SUSD1: variants seen among roughly 807,000 people sequenced by gnomAD.
SUSD1 encodes the protein sushi domain-containing protein 1.
A neutral mutation model predicts 86.9 loss-of-function variants in SUSD1; 65 were observed. That is an observed-to-expected ratio of 0.75 (90% CI 0.61 to 0.92). The LOEUF is 0.92. Ranked by LOEUF, SUSD1 falls within the 40% of genes least tolerant of loss-of-function variation. The pLI is 0.00. For missense variants in SUSD1, 850 were observed against 929.7 expected, an observed-to-expected ratio of 0.91 and a Z score of 1.11; for synonymous variants, 346 against 350.0, an observed-to-expected ratio of 0.99 and a Z score of 0.13.
intron 2 of SUSD1, among the ~76,000 whole-genome samples, chr9:112,153,087 G>A (rs1833137239): frequency 6.6e-6 from 1 of 151,718 alleles, no homozygotes; most frequent in Non-Finnish European, 1.5e-5. Context: ...GCAACATAAT[G>A]AGACCTTGTC....
At chr9:112,162,303 G>A (rs1273183448) in intron 1 of SUSD1, among the ~76,000 whole-genome samples, 1 of 152,140 alleles carries the variant, frequency 6.6e-6, no homozygotes, top group African/African-American at 2.4e-5. Context: ...AAAAGGGGAG[G>A]GAAACTCAAA....
chr9:112,144,188 C>T (rs1241999784), intron 3 of SUSD1, among the ~76,000 whole-genome samples: 1 of 151,544 alleles, frequency 6.6e-6, no homozygotes, highest in Non-Finnish European at 1.5e-5. Context: ...TGCAGTGAGC[C>T]GAGATCACGC....
rs766044516 is a variant in SUSD1 at position 112,149,197 on chromosome 9, A to T, written c.373+47T>A. ...TTAACAAATACACAGCCCAGATACT[A>T]TCCTGCCATCGCCAATTGTCAACAC... is the stretch of plus-strand genomic sequence containing the variant. On this transcript the variant is annotated intron_variant, in intron 3 of 16. Coordinates refer to ENST00000374270, the MANE Select transcript of SUSD1 (RefSeq NM_022486.5). The T allele has an allele frequency of 3.1e-6, 5 of 1,608,116 alleles. No individual in the cohort carries two copies. In the Admixed American group the frequency reaches 8.4e-5, roughly 27 times the overall value.
chr9:112,152,781 G>T (rs1833121036), intron 2 of SUSD1, among the ~76,000 whole-genome samples: 2 of 104,746 alleles, frequency 1.9e-5, no homozygotes, highest in South Asian at 5.5e-4. Context: ...TGTAAACAGG[G>T]TCTTGCATCA....
intron 7 of SUSD1, 61 bp downstream of exon 7, chr9:112,112,710 A>T: frequency 1.8e-6 from 2 of 1,118,230 alleles, no homozygotes; most frequent in East Asian, 4.7e-5. Flanking sequence ...AGTCCCTCTG[A>T]CTCATATTCC....
chr9:112,168,968 G>A (rs1055880950), intron 1 of SUSD1, among the ~76,000 whole-genome samples: 2 of 152,098 alleles, frequency 1.3e-5, no homozygotes, highest in South Asian at 2.1e-4. Flanking sequence ...ATAAGCCAAC[G>A]GGGCCCAAAA....
intron 8 of SUSD1, among the ~76,000 whole-genome samples, chr9:112,108,785 A>G (rs1244375586): frequency 6.8e-6 from 1 of 147,264 alleles, no homozygotes; most frequent in Non-Finnish European, 1.5e-5. Context: ...AAAAAAAAAA[A>G]AAAAAAGAAA....
chr9:112,126,910 A>T (rs1202998809), intron 5 of SUSD1, among the ~76,000 whole-genome samples: 1 of 152,144 alleles, frequency 6.6e-6, no homozygotes, highest in Non-Finnish European at 1.5e-5. Flanking sequence ...CCTAAGTATA[A>T]AGCATTAATA....
At chr9:112,114,426 T>G (rs1382851205) in intron 6 of SUSD1, among the ~76,000 whole-genome samples, 1 of 152,152 alleles carries the variant, frequency 6.6e-6, no homozygotes, top group Non-Finnish European at 1.5e-5. Flanking sequence ...GAGGTGGCAG[T>G]GAGCCAAGAT....
rs114613940 is a variant in SUSD1 at position 112,052,682 on chromosome 9, A to G, written c.2110-244T>C. ...CTATAGGTTTCCAACAGGTCTTGGA[A>G]AGCATATATGATAGGCCAACAACAG... On this transcript the variant is annotated intron_variant, in intron 14 of 16. Transcript: ENST00000374270. 1.7e-3 allele frequency among the ~76,000 whole-genome samples: 256 copies of G among 152,278 alleles called. 4 individuals carry two copies. The highest frequency in any genetic ancestry group is 6.0e-3 in the African/African-American group (251 of 41,554).
chr9:112,145,700 G>A (rs1021587759), intron 3 of SUSD1, among the ~76,000 whole-genome samples: 1 of 151,974 alleles, frequency 6.6e-6, no homozygotes, highest in African/African-American at 2.4e-5. Flanking sequence ...ATCAATGAAC[G>A]CCTCTCCACT....
intron 7 of SUSD1, among the ~76,000 whole-genome samples, 200 bp downstream of exon 7, chr9:112,112,571 G>A (rs1396932209): frequency 6.6e-6 from 1 of 152,082 alleles, no homozygotes; most frequent in African/African-American, 2.4e-5. Flanking sequence ...GGGAGGCTGA[G>A]GTTGCAGTGA....
chr9:112,070,900 G>C (rs1303870016), intron 12 of SUSD1, among the ~76,000 whole-genome samples: 1 of 152,094 alleles, frequency 6.6e-6, no homozygotes, highest in African/African-American at 2.4e-5. Context: ...TTACAGCTGG[G>C]GAGAAAAATT....
At chr9:112,078,809 C>CTGTTTTTTTTTTTTTTTTTTT (rs1554756866) in intron 11 of SUSD1, 85 bp from the exon 12 acceptor site, 1 of 827,768 alleles carries the variant, frequency 1.2e-6, no homozygotes, top group African/African-American at 2.4e-5. Context: ...CTTTTTCTTT[C>CTGTTTTTTTTTTTTTTTTTTT]TCTTTTTTTT....
intron 1 of SUSD1, among the ~76,000 whole-genome samples, chr9:112,171,112 C>A (rs932572889): frequency 2.0e-5 from 3 of 152,166 alleles, no homozygotes; most frequent in African/African-American, 7.2e-5. Flanking sequence ...CAGTAACGGC[C>A]AGCTACGCTA....
At chr9:112,070,104 C>T (rs1246850550) in intron 12 of SUSD1, among the ~76,000 whole-genome samples, 1 of 152,168 alleles carries the variant, frequency 6.6e-6, no homozygotes, top group Non-Finnish European at 1.5e-5. Context: ...CTCCCGGGCT[C>T]AAGCAATTCT....
chr9:112,053,607 G>C (rs914792830), intron 14 of SUSD1, among the ~76,000 whole-genome samples: 5 of 151,324 alleles, frequency 3.3e-5, no homozygotes, highest in Admixed American at 2.0e-4. Context: ...GCTAAGTGCA[G>C]ATATTAGAAA....
At chr9:112,043,393 C>A (rs1454154728) in intron 15 of SUSD1, among the ~76,000 whole-genome samples, 1 of 152,112 alleles carries the variant, frequency 6.6e-6, no homozygotes, top group Non-Finnish European at 1.5e-5. Context: ...TGACTCAGTG[C>A]AAGAGGACAG....
chr9:112,065,740 C>T (rs1248952322), intron 12 of SUSD1, among the ~76,000 whole-genome samples: 1 of 152,144 alleles, frequency 6.6e-6, no homozygotes, highest in Admixed American at 6.5e-5. Context: ...TCACTTATAC[C>T]TCCAGCAGCC....
Sources: gnomAD v4.1 joint callset for allele counts (sites outside exome capture counted in the v4.1 genomes callset) on GRCh38, gnomAD v4.1.1 for gene constraint, MANE v1.5 for transcripts, NCBI Gene and HGNC (gene_info 2026-07-23, HGNC 2026-07-21) for gene names.